CACNA1A: variants seen among roughly 807,000 people sequenced by gnomAD.
The protein encoded by CACNA1A is voltage-dependent P/Q-type calcium channel subunit alpha-1A.
Under a neutral mutation model 262.4 loss-of-function variants are expected in CACNA1A, and 57 were observed. The observed-to-expected ratio is 0.22, with a 90% confidence interval of 0.18 to 0.27. The LOEUF is 0.27. Ranked by LOEUF, CACNA1A falls within the 10% of genes least tolerant of loss-of-function variation. The pLI is 1.00. For synonymous variants in CACNA1A, 1,431 were observed against 1,419.3 expected, an observed-to-expected ratio of 1.01 and a Z score of -0.18; for missense variants, 2,526 against 3,562.8, an observed-to-expected ratio of 0.71 and a Z score of 7.41.
rs555043615 is a variant in CACNA1A at position 13,263,316 on chromosome 19, C to T, written c.3990-483G>A. ...CCAAGTAGCTGGGACTACAGGCACACGCCACTGCGCCTGGCTAATTGTTTT... is the reference window on the plus strand; with the variant it reads ...CCAAGTAGCTGGGACTACAGGCACATGCCACTGCGCCTGGCTAATTGTTTT... On this transcript the variant is annotated intron_variant, in intron 24 of 46. Coordinates refer to ENST00000360228, the MANE Select transcript of CACNA1A (RefSeq NM_001127222.2). The T allele has an allele frequency of 1.0e-4, 17 of 164,426 alleles. No individual in the cohort carries two copies. The East Asian group carries it at 1.2e-3, about 12-fold the overall frequency. 10.2% of individuals were successfully genotyped at this position (164,426 alleles called of 1,614,324 possible).
intron 1 of CACNA1A, among the ~76,000 whole-genome samples, chr19:13,466,007 G>A (rs2061228757): frequency 6.6e-6 from 1 of 152,208 alleles, no homozygotes; most frequent in African/African-American, 2.4e-5. Context: ...GGAAGGTGGT[G>A]GGGAGGGGAG....
At chr19:13,221,712 C>T (rs1030202317) in intron 38 of CACNA1A, among the ~76,000 whole-genome samples, 7 of 152,072 alleles carry the variant, frequency 4.6e-5, no homozygotes, top group African/African-American at 1.7e-4. Context: ...CCTTGTCATC[C>T]TTGGTCTCTG....
rs773844470 is a variant in CACNA1A, at chr19:13,286,513, G to T, written c.3543C>A (p.Thr1181=). ...AGCAGAGGGTCTCACCTTGTACGACGGTGTGGTTGAGGGGGGGTGGGCAGG... is the reference window on the plus strand; with the variant it reads ...AGCAGAGGGTCTCACCTTGTACGACTGTGTGGTTGAGGGGGGGTGGGCAGG... ...PPACPPPLNH[T]VVQVNKNANP... The change falls in exon 20 of 47, where the codon ACC becomes ACA. Residue 1181 remains threonine (T), a synonymous_variant. Coordinates refer to ENST00000360228, the MANE Select transcript of CACNA1A (RefSeq NM_001127222.2). 3 of 1,458,014 alleles carry T rather than the reference G, an allele frequency of 2.1e-6. No homozygotes were observed. Among genetic ancestry groups the T allele is most frequent in the Admixed American group, 2.2e-5 (1 of 44,450 alleles). 90.3% of individuals were successfully genotyped at this position (1,458,014 alleles called of 1,614,324 possible).
chr19:13,448,590 C>T (rs1162411885), intron 3 of CACNA1A, among the ~76,000 whole-genome samples: 1 of 152,204 alleles, frequency 6.6e-6, no homozygotes, highest in African/African-American at 2.4e-5. Flanking sequence ...CAGAAGCCAG[C>T]CCCCAGGGAG....
At chr19:13,325,902 G>A (rs765178088) in intron 10 of CACNA1A, among the ~76,000 whole-genome samples, 6 of 151,988 alleles carry the variant, frequency 3.9e-5, no homozygotes, top group Non-Finnish European at 7.4e-5. Flanking sequence ...CTTTTCTCAC[G>A]GTGAGAATGC....
At chr19:13,233,225 C>A (rs367753033) in intron 34 of CACNA1A, among the ~76,000 whole-genome samples, 3 of 152,244 alleles carry the variant, frequency 2.0e-5, no homozygotes, top group East Asian at 3.9e-4. Flanking sequence ...GCCTGCCCTT[C>A]CCCATATACC....
intron 10 of CACNA1A, among the ~76,000 whole-genome samples, chr19:13,324,700 TCAA>T (rs1334407124): frequency 7.1e-6 from 1 of 141,740 alleles, no homozygotes; most frequent in East Asian, 2.0e-4. Flanking sequence ...AGACCCCATC[TCAA>T]CAACAACATC....
intron 10 of CACNA1A, among the ~76,000 whole-genome samples, chr19:13,329,454 G>A (rs1025934616): frequency 6.6e-6 from 1 of 150,712 alleles, no homozygotes; most frequent in Non-Finnish European, 1.5e-5. Flanking sequence ...ACTGGACTGT[G>A]AGCTCCATGT....
In CACNA1A at chr19:13,214,717, TC is replaced by T; in HGVS notation, c.5732-110del. ...GAGAACGAGACCCCAATCTTTCTGG[TC>T]CCCATGGGGTCTCCAGTTCCCCAAC... On this transcript the variant is annotated intron_variant, in intron 38 of 46. Transcript: ENST00000360228. The surrounding 1 kb of genome is among the most constrained non-coding windows in gnomAD (Gnocchi z 4.1). 1.2e-6 allele frequency: 1 copy of T among 823,086 alleles called. No individual in the cohort carries two copies. The highest frequency in any genetic ancestry group is 2.0e-6 in the Non-Finnish European group (1 of 502,010). The allele number at this position is 823,086 out of a possible 1,614,324, so 51.0% of individuals were successfully genotyped here. A position where few individuals can be genotyped will look rare whatever the true frequency, so the allele number is the denominator to read the frequency against.
chr19:13,503,402 T>C (rs956941075), intron 1 of CACNA1A, among the ~76,000 whole-genome samples: 3 of 152,098 alleles, frequency 2.0e-5, no homozygotes, highest in African/African-American at 7.2e-5. Context: ...TACTTGCCTG[T>C]ACATATATTA....
intron 24 of CACNA1A, among the ~76,000 whole-genome samples, chr19:13,269,938 A>G (rs960082533): frequency 6.6e-6 from 1 of 152,202 alleles, no homozygotes; most frequent in Admixed American, 6.5e-5. Context: ...CTTTGACCCC[A>G]ACAGGCCAGA....
chr19:13,253,421 G>A (rs537639758), intron 29 of CACNA1A, among the ~76,000 whole-genome samples: 19 of 143,552 alleles, frequency 1.3e-4, no homozygotes, highest in African/African-American at 3.6e-4. Flanking sequence ...ATAGGCATAC[G>A]CCATTGTGCT....
rs182156026 is a variant in CACNA1A at position 13,360,430 on chromosome 19, C to T, written c.785-631G>A. Among the ~76,000 whole-genome samples, 7 of 151,336 alleles carry T rather than the reference C, an allele frequency of 4.6e-5. No homozygotes were observed. The East Asian group carries it at 1.4e-3, about 29-fold the overall frequency. The stretch of plus-strand genomic sequence containing the variant: ...TTACTTCTGGCAAATTTTGTTTCAT[C>T]TATTCCTCTGTATCCCCTCCAAACA... On this transcript the variant is annotated intron_variant, in intron 5 of 46. Transcript: ENST00000360228.
At chr19:13,437,151 C>T (rs565673948) in intron 3 of CACNA1A, among the ~76,000 whole-genome samples, 7 of 152,318 alleles carry the variant, frequency 4.6e-5, no homozygotes, top group Non-Finnish European at 8.8e-5. Context: ...GTGTCCCTTT[C>T]CCTATTTTCT....
At chr19:13,338,515 GCAAACAATC>G (rs1448753831) in intron 6 of CACNA1A, among the ~76,000 whole-genome samples, 1 of 151,752 alleles carries the variant, frequency 6.6e-6, no homozygotes, top group African/African-American at 2.4e-5. Flanking sequence ...GCTCCAAATT[GCAAACAATC>G]CACACTGTTA....
chr19:13,479,565 A>G (rs565437031), intron 1 of CACNA1A, among the ~76,000 whole-genome samples: 5 of 152,164 alleles, frequency 3.3e-5, no homozygotes, highest in African/African-American at 1.2e-4. Context: ...AAAATCAGCA[A>G]TGGGAAAGGA....
intron 10 of CACNA1A, among the ~76,000 whole-genome samples, chr19:13,320,250 G>C (rs2058223863): frequency 6.6e-6 from 1 of 151,282 alleles, no homozygotes; most frequent in Admixed American, 6.7e-5. Flanking sequence ...GAGAGAGAGA[G>C]AGAGAGAGAG....
chr19:13,275,130 G>A (rs1285612618), intron 24 of CACNA1A: 1 of 152,122 alleles, frequency 6.6e-6, no homozygotes, highest in African/African-American at 2.4e-5. Context: ...CCCAGAACTT[G>A]AAGGTCACCT....
chr19:13,230,284 AGACAGACAGACG>A, intron 35 of CACNA1A, 75 bp from the exon 36 acceptor site: 2 of 1,525,538 alleles, frequency 1.3e-6, no homozygotes, highest in Non-Finnish European at 9.0e-7. Context: ...AGAAGGATAC[AGACAGACAGACG>A]GACAGACAGA....
Sources: allele counts gnomAD v4.1 joint callset (sites outside exome capture counted in the v4.1 genomes callset), GRCh38; gene constraint gnomAD v4.1.1; non-coding constraint Gnocchi (gnomAD v3.1); transcripts MANE v1.5; gene names NCBI Gene and HGNC (gene_info 2026-07-23, HGNC 2026-07-21).